The following ZHX2 variants were observed in gnomAD, a reference collection of about 807,000 sequenced individuals.
ZHX2 encodes zinc fingers and homeoboxes protein 2.
A neutral mutation model predicts 21.9 loss-of-function variants in ZHX2; 6 were observed. The observed-to-expected ratio is 0.27, with a 90% CI of 0.15 to 0.54. The LOEUF (loss-of-function observed/expected upper bound fraction) is 0.54. Among genes scored for constraint, ZHX2 ranks in the 20% least tolerant of loss-of-function variants. The pLI is 0.95. For missense variants in ZHX2, 908 were observed against 1,090.7 expected, an observed-to-expected ratio of 0.83 and a Z score of 2.36; for synonymous variants, 434 against 437.1, an observed-to-expected ratio of 0.99 and a Z score of 0.09.
intron 3 of ZHX2, among the ~76,000 whole-genome samples, chr8:122,964,429 TA>T (rs1813529629): frequency 6.6e-6 from 1 of 152,168 alleles, no homozygotes; most frequent in African/African-American, 2.4e-5. Flanking sequence ...CACTTTTTTT[TA>T]ATGTGGTGTA....
chr8:122,956,100 C>G (rs1813293417), intron 3 of ZHX2, among the ~76,000 whole-genome samples: 1 of 152,152 alleles, frequency 6.6e-6, no homozygotes, highest in African/African-American at 2.4e-5. Context: ...CCACCTTGGC[C>G]TCCCAAAGTG....
intron 2 of ZHX2, among the ~76,000 whole-genome samples, chr8:122,899,948 G>A (rs1198145639): frequency 6.6e-6 from 1 of 152,182 alleles, no homozygotes; most frequent in Non-Finnish European, 1.5e-5. Context: ...CTCACATTAT[G>A]TTGAGTTTAG....
chr8:122,961,688 C>T (rs1232385008), intron 3 of ZHX2, among the ~76,000 whole-genome samples: 1 of 152,156 alleles, frequency 6.6e-6, no homozygotes, highest in East Asian at 1.9e-4. Context: ...CATCAGATCT[C>T]ATGAGAACTC....
At chr8:122,925,714 C>T (rs16897698) in intron 2 of ZHX2, among the ~76,000 whole-genome samples, 3,402 of 152,190 alleles carry the variant, frequency 0.022, 114 homozygotes, top group African/African-American at 0.077. Context: ...GAGCAGGTTC[C>T]GAAATAGCTG....
intron 3 of ZHX2, among the ~76,000 whole-genome samples, chr8:122,972,865 C>T (rs9692750): frequency 0.043 from 6,596 of 152,174 alleles, 485 homozygotes; most frequent in African/African-American, 0.15. Context: ...GACCCAAATC[C>T]AGATTTGTCT....
intron 3 of ZHX2, among the ~76,000 whole-genome samples, chr8:122,959,139 C>T (rs374333483): frequency 3.3e-5 from 5 of 152,300 alleles, no homozygotes; most frequent in African/African-American, 1.2e-4. Context: ...CTAAAATTGA[C>T]TCCAAAGCTC....
intron 2 of ZHX2, among the ~76,000 whole-genome samples, chr8:122,926,395 G>A (rs766017703): frequency 2.0e-5 from 3 of 152,176 alleles, no homozygotes; most frequent in African/African-American, 7.2e-5. Context: ...CCTGCACTAG[G>A]TAGTAAACTC....
chr8:122,921,957 A>G (rs1003757001), intron 2 of ZHX2, among the ~76,000 whole-genome samples: 2 of 152,178 alleles, frequency 1.3e-5, no homozygotes, highest in East Asian at 1.9e-4. Flanking sequence ...TTGAAGAAAA[A>G]GAGCACTTCA....
intron 1 of ZHX2, among the ~76,000 whole-genome samples, chr8:122,789,512 C>T (rs989178211): frequency 6.6e-6 from 1 of 152,214 alleles, no homozygotes. Flanking sequence ...TTGCACACAG[C>T]CTGGTCAGAG....
chr8:122,970,687 G>A (rs1356590750), intron 3 of ZHX2, among the ~76,000 whole-genome samples: 1 of 152,216 alleles, frequency 6.6e-6, no homozygotes, highest in Non-Finnish European at 1.5e-5. Context: ...TGTTCAGGGG[G>A]ACATCCAATC....
chr8:122,967,546 G>A (rs1813613407), intron 3 of ZHX2, among the ~76,000 whole-genome samples: 1 of 152,238 alleles, frequency 6.6e-6, no homozygotes, highest in Admixed American at 6.5e-5. Flanking sequence ...TGCTCCAGTG[G>A]AGGTGGCATG....
chr8:122,850,501 A>T (rs1173978262), intron 1 of ZHX2, among the ~76,000 whole-genome samples: 2 of 152,086 alleles, frequency 1.3e-5, no homozygotes, highest in African/African-American at 2.4e-5. Flanking sequence ...TTAGCCAGGC[A>T]TGGTGGTGCA....
intron 1 of ZHX2, among the ~76,000 whole-genome samples, chr8:122,841,546 G>T (rs1375077020): frequency 6.6e-6 from 1 of 151,724 alleles, no homozygotes. Context: ...AGGGTCGGGG[G>T]TTGGGGGGCA....
chr8:122,840,955 C>G (rs10100642), intron 1 of ZHX2, among the ~76,000 whole-genome samples: 3 of 152,168 alleles, frequency 2.0e-5, no homozygotes, highest in African/African-American at 7.2e-5. Context: ...ACCATGGTGC[C>G]ATGTTTCCTC....
intron 2 of ZHX2, among the ~76,000 whole-genome samples, chr8:122,929,807 G>A (rs73711261): frequency 0.03 from 4,576 of 152,240 alleles, 157 homozygotes; most frequent in African/African-American, 0.091. Flanking sequence ...GAGTACACAG[G>A]TTACCAGTAT....
At chr8:122,816,684 G>C (rs78606858) in intron 1 of ZHX2, among the ~76,000 whole-genome samples, 1 of 151,696 alleles carries the variant, frequency 6.6e-6, no homozygotes, top group East Asian at 1.9e-4. Flanking sequence ...GCTTACAAAA[G>C]TCATATGCAG....
intron 2 of ZHX2, among the ~76,000 whole-genome samples, chr8:122,918,728 C>A (rs904557478): frequency 6.6e-6 from 1 of 152,070 alleles, no homozygotes; most frequent in Admixed American, 6.6e-5. Flanking sequence ...ATGTGGATCA[C>A]AAGGTCAGGA....
At chr8:122,967,527 A>G (rs1813612971) in intron 3 of ZHX2, among the ~76,000 whole-genome samples, 1 of 152,198 alleles carries the variant, frequency 6.6e-6, no homozygotes, top group African/African-American at 2.4e-5. Context: ...AGTCTTGGAT[A>G]CCAGCACCTG....
At chr8:122,857,235 G>T (rs900725759) in intron 1 of ZHX2, among the ~76,000 whole-genome samples, 1 of 152,074 alleles carries the variant, frequency 6.6e-6, no homozygotes, top group African/African-American at 2.4e-5. Flanking sequence ...TCTAAGGCCA[G>T]GGTTCACCTA....
Sources: gnomAD v4.1 joint callset for allele counts (sites outside exome capture counted in the v4.1 genomes callset) on GRCh38, gnomAD v4.1.1 for gene constraint, MANE v1.5 for transcripts, NCBI Gene and HGNC (gene_info 2026-07-23, HGNC 2026-07-21) for gene names.